Variants in IL33 observed in about 807,000 individuals in gnomAD.
The protein encoded by IL33 is interleukin-33.
In IL33, 37 loss-of-function variants were observed where a neutral mutation model predicts 27.3. The ratio of observed to expected loss-of-function variants is 1.36; its 90% CI spans 1.04 to 1.78. The LOEUF (loss-of-function observed/expected upper bound fraction) is 1.78. IL33 is among the 40% of genes most tolerant of loss of function. The pLI is 0.00. For synonymous variants in IL33, 132 were observed against 102.9 expected (o/e 1.28, Z -1.71); for missense variants, 406 against 311.4 (o/e 1.30, Z -2.29).
chr9:6,236,628 G>A (rs1819227367), intron 1 of IL33, among the ~76,000 whole-genome samples: 1 of 152,228 alleles, frequency 6.6e-6, no homozygotes, highest in Non-Finnish European at 1.5e-5. Flanking sequence ...AGCACTTTGG[G>A]AGGCTGAGGC....
intron 2 of IL33, among the ~76,000 whole-genome samples, chr9:6,246,288 G>A (rs528661868): frequency 2.6e-5 from 4 of 152,234 alleles, no homozygotes; most frequent in African/African-American, 9.6e-5. Context: ...AACCGGCTGG[G>A]TGCGGTGGCT....
intron 1 of IL33, among the ~76,000 whole-genome samples, chr9:6,236,589 C>T (rs1053574274): frequency 2.6e-5 from 4 of 152,130 alleles, no homozygotes; most frequent in Admixed American, 2.0e-4. Context: ...ACAACTAGGC[C>T]GGGTGCAGTG....
chr9:6,229,344 A>T (rs552785540), intron 1 of IL33, among the ~76,000 whole-genome samples: 5 of 152,194 alleles, frequency 3.3e-5, no homozygotes, highest in Non-Finnish European at 7.4e-5. Context: ...TATGTGAGGC[A>T]TGGGAGGGGG....
intron 2 of IL33, among the ~76,000 whole-genome samples, chr9:6,246,022 C>A (rs1819822293): frequency 8.5e-6 from 1 of 118,340 alleles, no homozygotes; most frequent in Non-Finnish European, 1.6e-5. Context: ...GAGATCACGC[C>A]ACTGCACTCC....
intron 2 of IL33, among the ~76,000 whole-genome samples, chr9:6,249,081 C>T (rs774046769): frequency 1.3e-5 from 2 of 152,078 alleles, no homozygotes; most frequent in African/African-American, 2.4e-5. Context: ...AAGATACCAC[C>T]GTTGATATTT....
At chr9:6,251,492 G>A (rs1816355914) in intron 4 of IL33, among the ~76,000 whole-genome samples, 1 of 152,062 alleles carries the variant, frequency 6.6e-6, no homozygotes, top group Non-Finnish European at 1.5e-5. Flanking sequence ...TCATTATTTT[G>A]AAATACTTGC....
intron 1 of IL33, among the ~76,000 whole-genome samples, chr9:6,226,189 T>A (rs1055746156): frequency 4.3e-4 from 65 of 152,024 alleles, no homozygotes; most frequent in African/African-American, 1.5e-3. Flanking sequence ...TTTAATTATT[T>A]TTTTTTAAGA....
intron 3 of IL33, 27 bp downstream of exon 3, chr9:6,250,626 A>T (rs1364965981): frequency 1.9e-6 from 3 of 1,605,066 alleles, no homozygotes; most frequent in Non-Finnish European, 2.5e-6. Flanking sequence ...ATTCTCTGGC[A>T]ATAGTGATAA....
At chr9:6,217,516 C>T (rs1818197115) in intron 1 of IL33, among the ~76,000 whole-genome samples, 2 of 152,110 alleles carry the variant, frequency 1.3e-5, no homozygotes, top group African/African-American at 2.4e-5. Flanking sequence ...GTCAGATCTC[C>T]TTCACTGTCA....
At position 6,245,553 on chromosome 9, in the gene IL33, G is replaced by A. The variant is rs896527721; in HGVS notation, c.91+3768G>A. Among the ~76,000 whole-genome samples, 6 of 152,298 alleles carry A rather than the reference G, an allele frequency of 3.9e-5. No individual in the cohort carries two copies. In the Middle Eastern group the frequency reaches 0.017, roughly 432 times the overall value. ...GATGATAGTAGTGTGATGATAAAGTGAGGAGGCAAGAGTAGAAACAGAAAC... is the reference window on the plus strand; with the variant it reads ...GATGATAGTAGTGTGATGATAAAGTAAGGAGGCAAGAGTAGAAACAGAAAC... On this transcript the variant is annotated intron_variant, in intron 2 of 7. Coordinates refer to ENST00000682010, the MANE Select transcript of IL33 (RefSeq NM_033439.4).
chr9:6,245,078 T>C (rs529173220), intron 2 of IL33, among the ~76,000 whole-genome samples: 1 of 152,302 alleles, frequency 6.6e-6, no homozygotes, highest in East Asian at 1.9e-4. Flanking sequence ...TTTCCTCTTC[T>C]CCTACTTTCT....
chr9:6,242,200 TCTTAA>T (rs1819567849), intron 2 of IL33: 1 of 152,990 alleles, frequency 6.5e-6, no homozygotes, highest in Non-Finnish European at 1.5e-5. Flanking sequence ...AGGCATGTGG[TCTTAA>T]CTTGCGACTA....
chr9:6,236,864 C>CT (rs1489125800), intron 1 of IL33, among the ~76,000 whole-genome samples: 1 of 152,164 alleles, frequency 6.6e-6, no homozygotes, highest in African/African-American at 2.4e-5. Flanking sequence ...GAGGGAGACT[C>CT]TGTCTCAAAA....
In IL33 at chr9:6,250,751, G is replaced by C. The variant is rs1467230305; in HGVS notation, c.217+152G>C. 5 of 871,612 alleles carry C rather than the reference G, an allele frequency of 5.7e-6. No individual in the cohort carries two copies. In the East Asian group the frequency reaches 1.4e-4, roughly 24 times the overall value. 54.0% of individuals were successfully genotyped at this position (871,612 alleles called of 1,614,324 possible). ...ACTGGTTTTTAGCTATTTTTAAAAG[G>C]GCATATAAAGAATTTTCAATAGCAT... is the stretch of plus-strand genomic sequence containing the variant. On this transcript the variant is annotated intron_variant, in intron 3 of 7. Transcript: ENST00000682010.
chr9:6,250,482 C>T lies in IL33; in HGVS notation c.100C>T (p.Gln34Ter). Residue 34 changes from glutamine (Q) to a stop codon, truncating the protein, a stop_gained, in exon 3 of 8, where the codon CAG (glutamine) becomes TAG (stop). Transcript: ENST00000682010. LOFTEE classifies it high-confidence loss of function. Reference sequence around the variant, plus strand: ...GTTTTTCAATTGTTTAGAATCCCAACAGAAGGCCAAAGAAGTTTGCCCCAT... The same window carrying T: ...GTTTTTCAATTGTTTAGAATCCCAATAGAAGGCCAAAGAAGTTTGCCCCAT... ...ALCFKLGKSQ[Q>*]KAKEVCPMYF... 1 of 1,613,090 alleles carries T rather than the reference C, an allele frequency of 6.2e-7. No individual in the cohort carries two copies.
At chr9:6,226,437 T>C (rs1465438861) in intron 1 of IL33, among the ~76,000 whole-genome samples, 1 of 152,152 alleles carries the variant, frequency 6.6e-6, no homozygotes, top group Non-Finnish European at 1.5e-5. Context: ...ATCTCTGTTC[T>C]AGCATCTCCT....
At chr9:6,254,208 C>T (rs7044343) in intron 6 of IL33, among the ~76,000 whole-genome samples, 78,442 of 151,830 alleles carry the variant, frequency 0.52, 22,031 homozygotes, top group Non-Finnish European at 0.63. Context: ...GCTGATGCCC[C>T]GAGAAGTAAC....
chr9:6,237,171 A>G (rs1819268083), intron 1 of IL33, among the ~76,000 whole-genome samples: 1 of 152,212 alleles, frequency 6.6e-6, no homozygotes, highest in East Asian at 1.9e-4. Flanking sequence ...GTGCAGGGAT[A>G]TCTGCTGTAT....
At chr9:6,216,459 G>C (rs948822973) in intron 1 of IL33, among the ~76,000 whole-genome samples, 1 of 152,230 alleles carries the variant, frequency 6.6e-6, no homozygotes, top group Admixed American at 6.5e-5. Flanking sequence ...ACATCACTAA[G>C]TGTGGTGGTT....
Sources: gnomAD v4.1 joint callset for allele counts (sites outside exome capture counted in the v4.1 genomes callset) on GRCh38, gnomAD v4.1.1 for gene constraint, MANE v1.5 for transcripts, NCBI Gene and HGNC (gene_info 2026-07-23, HGNC 2026-07-21) for gene names.